Variants in ADCY7 observed in about 807,000 individuals in gnomAD.
The protein encoded by ADCY7 is adenylate cyclase 7.
Under a neutral mutation model 120.6 loss-of-function variants are expected in ADCY7, and 72 were observed. That is an observed-to-expected ratio of 0.60 (90% CI 0.49 to 0.73). The LOEUF is 0.73. ADCY7 is among the 30% of genes least tolerant of loss of function. The pLI is 0.00. For synonymous variants in ADCY7, 661 were observed against 628.0 expected (o/e 1.05, Z -0.78); for missense variants, 1,227 against 1,486.0 (o/e 0.83, Z 2.87).
chr16:50,260,510 C>A (rs2033031400), intron 1 of ADCY7, among the ~76,000 whole-genome samples: 1 of 152,240 alleles, frequency 6.6e-6, no homozygotes, highest in African/African-American at 2.4e-5. Context: ...CAGGCCAGTT[C>A]TTCCACAGAG....
chr16:50,279,893 CT>C (rs371595392), intron 1 of ADCY7, among the ~76,000 whole-genome samples: 9 of 151,436 alleles, frequency 5.9e-5, no homozygotes, highest in South Asian at 2.1e-4. Context: ...ACAAAGAACA[CT>C]TTTTTTTTCC....
Position 50,291,759 on chromosome 16 carries a change from C to A in ADCY7, c.399C>A (p.Val133=). 1 of 1,614,134 alleles carries A rather than the reference C, an allele frequency of 6.2e-7. No homozygotes were observed. The highest frequency in any genetic ancestry group is 8.5e-7 in the Non-Finnish European group (1 of 1,180,012). The change falls in exon 4 of 26, where the codon GTC becomes GTA. Residue 133 remains valine (V), a synonymous_variant. Coordinates refer to ENST00000673801, the MANE Select transcript of ADCY7 (RefSeq NM_001114.5). ...AGGTGCCCTTCTTCCTGTTCATTGT[C>A]TTCGTGGTGTACACACTACTGCCCT... is the stretch of plus-strand genomic sequence containing the variant. ...WEQVPFFLFI[V]FVVYTLLPFS...
intron 1 of ADCY7, among the ~76,000 whole-genome samples, chr16:50,285,738 G>A (rs2034539483): frequency 6.6e-6 from 1 of 152,222 alleles, no homozygotes; most frequent in South Asian, 2.1e-4. Context: ...GTTCCTGCTG[G>A]GAATATGGCA....
intron 1 of ADCY7, among the ~76,000 whole-genome samples, chr16:50,279,064 G>T (rs575794567): frequency 6.6e-6 from 1 of 152,250 alleles, no homozygotes; most frequent in Admixed American, 6.5e-5. Context: ...TGGAGACAGG[G>T]TTTCACCATG....
chr16:50,270,414 T>G (rs2033486705), intron 1 of ADCY7, among the ~76,000 whole-genome samples: 2 of 152,118 alleles, frequency 1.3e-5, no homozygotes, highest in African/African-American at 4.8e-5. Context: ...CTGTTCTGCC[T>G]CCTCCCAACA....
chr16:50,305,468 G>A (rs375933428), intron 12 of ADCY7, 35 bp from the exon 13 acceptor site: 88 of 1,589,200 alleles, frequency 5.5e-5, no homozygotes, highest in Middle Eastern at 1.7e-4. Context: ...GGAGGTGGTC[G>A]CTGTGCTGAT....
rs78534766 is a variant in ADCY7, at chr16:50,301,163, C to A, written c.1317C>A (p.Asp439Glu). The A allele has an allele frequency of 5.0e-3, 8,111 of 1,612,682 alleles. 28 individuals carry two copies. Among genetic ancestry groups the A allele is most frequent in the Non-Finnish European group, 5.9e-3 (7,007 of 1,179,322 alleles). The change falls in exon 10 of 26, where the codon GAC (aspartate) becomes GAA (glutamate). Residue 439 changes from aspartate (D) to glutamate (E), a missense_variant. Coordinates refer to ENST00000673801, the MANE Select transcript of ADCY7 (RefSeq NM_001114.5). ...AGGATGGGCACGGGCAGCAGCGGGA[C>A]CCCTACCTCAAGGAGATGAACATCC... ...EVEDGHGQQR[D>E]PYLKEMNIRT... is the part of the protein sequence containing the mutation.
upstream of ADCY7, among the ~76,000 whole-genome samples, chr16:50,261,700 A>T (rs1173400455): frequency 6.6e-6 from 1 of 152,188 alleles, no homozygotes; most frequent in Non-Finnish European, 1.5e-5. Context: ...CTGAGCCACC[A>T]GGGTCCCCTA....
upstream of ADCY7, among the ~76,000 whole-genome samples, chr16:50,245,852 C>G (rs1316272642): frequency 2.6e-5 from 4 of 152,038 alleles, no homozygotes; most frequent in African/African-American, 9.7e-5. Context: ...CGCGCGGTAC[C>G]TGGAGAAGGT....
intron 2 of ADCY7, 71 bp downstream of exon 2, chr16:50,288,421 C>CTCTTCTGTAAAATGCTTA (rs955365666): frequency 7.2e-7 from 1 of 1,388,142 alleles, no homozygotes; most frequent in Admixed American, 2.8e-5. Context: ...TTCTCTTAGC[C>CTCTTCTGTAAAATGCTTA]TCTTCTGTAA....
chr16:50,265,292 A>G (rs1047180785), upstream of ADCY7, among the ~76,000 whole-genome samples: 1 of 152,164 alleles, frequency 6.6e-6, no homozygotes, highest in Non-Finnish European at 1.5e-5. Flanking sequence ...ATTTGCTGAT[A>G]GGAGGGCGAC....
intron 1 of ADCY7, among the ~76,000 whole-genome samples, chr16:50,246,593 T>C (rs2032594826): frequency 6.6e-6 from 1 of 152,128 alleles, no homozygotes; most frequent in Non-Finnish European, 1.5e-5. Context: ...GCGGGGCCTG[T>C]TGGAAGCAAA....
chr16:50,258,907 A>G (rs1303189763), intron 1 of ADCY7, among the ~76,000 whole-genome samples: 4 of 152,256 alleles, frequency 2.6e-5, no homozygotes, highest in African/African-American at 9.6e-5. Context: ...TTAAGGTAGT[A>G]TTTTTAGTTA....
intron 24 of ADCY7, 48 bp downstream of exon 24, chr16:50,314,454 A>G: frequency 7.1e-7 from 1 of 1,417,694 alleles, no homozygotes; most frequent in Non-Finnish European, 9.9e-7. Flanking sequence ...CCTCTAGGCC[A>G]GTCCACCCAG....
intron 1 of ADCY7, among the ~76,000 whole-genome samples, chr16:50,276,537 T>C (rs903576623): frequency 6.6e-6 from 1 of 152,248 alleles, no homozygotes; most frequent in African/African-American, 2.4e-5. Flanking sequence ...TTTGTTAAAA[T>C]GAGGAAACTG....
At chr16:50,264,989 A>C (rs1420240943), upstream of ADCY7, among the ~76,000 whole-genome samples, 2 of 151,974 alleles carry the variant, frequency 1.3e-5, no homozygotes, top group Non-Finnish European at 2.9e-5. Flanking sequence ...GGCTCATGCC[A>C]CCACGCCTGG....
Position 50,312,873 on chromosome 16 carries a change from G to T in ADCY7, c.2605-17G>T. The T allele has an allele frequency of 6.2e-7, 1 of 1,612,302 alleles. No individual in the cohort carries two copies. On this transcript the variant is annotated splice_polypyrimidine_tract_variant and intron_variant, in intron 21 of 25. Coordinates refer to ENST00000673801, the MANE Select transcript of ADCY7 (RefSeq NM_001114.5). ...CAAGAGGTGAAGTGGTGTAAGGTCCGGTTTCTTCCCATCCAGGACTGGTAC... is the reference window on the plus strand; with the variant it reads ...CAAGAGGTGAAGTGGTGTAAGGTCCTGTTTCTTCCCATCCAGGACTGGTAC...
upstream of ADCY7, among the ~76,000 whole-genome samples, chr16:50,245,748 G>C (rs34828612): frequency 2.0e-5 from 3 of 152,112 alleles, no homozygotes; most frequent in African/African-American, 4.8e-5. Flanking sequence ...GCTCCTGCAG[G>C]GGGAGGGGAG....
chr16:50,311,694 G>A lies in ADCY7; in HGVS notation c.2356G>A (p.Gly786Ser). 1.2e-6 allele frequency: 2 copies of A among 1,612,626 alleles called. No homozygotes were observed. ...ACTTGGGCCTCCCTTCGCATTCAGT[G>A]GCACCCCTAGCTGTTCCTGGAAGGA... ...NLTKPNGTTS[G>S]TPSCSWKDLK... is the part of the protein sequence containing the mutation. The change falls in exon 20 of 26, where the codon GGC becomes AGC. Residue 786 changes from glycine to serine, a missense_variant and splice_region_variant. This residue lies in a region of ADCY7 where 267 missense variants were observed against 270.0 expected (regional missense o/e 0.99). Transcript: ENST00000673801.
Sources: gnomAD v4.1 joint callset for allele counts (sites outside exome capture counted in the v4.1 genomes callset) on GRCh38, gnomAD v4.1.1 for gene constraint, gnomAD v4.1.1 regional missense constraint, MANE v1.5 for transcripts, NCBI Gene and HGNC (gene_info 2026-07-23, HGNC 2026-07-21) for gene names.